Variants in UNC5D observed in about 807,000 individuals in gnomAD.
The protein encoded by UNC5D is netrin receptor UNC5D.
A neutral mutation model predicts 105.4 loss-of-function variants in UNC5D; 39 were observed. That is an observed-to-expected ratio of 0.37 (90% CI 0.29 to 0.48). The LOEUF is 0.48. Ranked by LOEUF, UNC5D falls within the 20% of genes least tolerant of loss-of-function variation. UNC5D has a pLI of 0.98. For synonymous variants in UNC5D, 452 were observed against 450.4 expected (o/e 1.00, Z -0.04); for missense variants, 991 against 1,202.4 (o/e 0.82, Z 2.60).
At chr8:35,267,210 G>C (rs888123635) in intron 1 of UNC5D, among the ~76,000 whole-genome samples, 2 of 151,118 alleles carry the variant, frequency 1.3e-5, no homozygotes, top group Non-Finnish European at 2.9e-5. Flanking sequence ...GGCGGAAAAA[G>C]AATTTTTCCA....
chr8:35,564,030 T>C (rs1401121653), intron 2 of UNC5D, among the ~76,000 whole-genome samples: 1 of 152,182 alleles, frequency 6.6e-6, no homozygotes, highest in Admixed American at 6.5e-5. Context: ...TCATTGAGGA[T>C]CTGTGTTCAT....
chr8:35,507,169 C>T (rs1036109648), intron 1 of UNC5D, among the ~76,000 whole-genome samples: 1 of 148,704 alleles, frequency 6.7e-6, no homozygotes, highest in Non-Finnish European at 1.5e-5. Context: ...CATTCTCCTG[C>T]CTCAGCCTCC....
chr8:35,759,225 A>T, intron 13 of UNC5D, 95 bp from the exon 14 acceptor site: 1 of 1,363,686 alleles, frequency 7.3e-7, no homozygotes, highest in Middle Eastern at 1.9e-4. Context: ...TTTGTGGAAG[A>T]CACATGGTAG....
chr8:35,607,428 A>C (rs1212148166), intron 4 of UNC5D, among the ~76,000 whole-genome samples: 1 of 152,174 alleles, frequency 6.6e-6, no homozygotes, highest in Admixed American at 6.5e-5. Flanking sequence ...TCTGAAAGAG[A>C]AACTGTTCCA....
In UNC5D at chr8:35,339,007, A is replaced by G. The variant is rs75696662; in HGVS notation, c.103+103120A>G. ...TAGGAGATACCTGAATCTACCTTCT[A>G]TAACATACTTTTATGCCTAAAATGG... On this transcript the variant is annotated intron_variant, in intron 1 of 16. Transcript: ENST00000404895. 3.9e-5 allele frequency among the ~76,000 whole-genome samples: 6 copies of G among 152,324 alleles called. No homozygotes were observed. In the East Asian group the frequency reaches 7.7e-4, roughly 20 times the overall value.
chr8:35,635,883 C>T (rs1047102225), intron 4 of UNC5D, among the ~76,000 whole-genome samples: 1 of 152,178 alleles, frequency 6.6e-6, no homozygotes, highest in Admixed American at 6.5e-5. Context: ...TTTCCTCTCT[C>T]AGACTCACTG....
At chr8:35,601,964 T>A (rs1191012262) in intron 4 of UNC5D, among the ~76,000 whole-genome samples, 1 of 152,230 alleles carries the variant, frequency 6.6e-6, no homozygotes, top group Non-Finnish European at 1.5e-5. Context: ...TATTTTGAGA[T>A]ACGTCCCATC....
intron 1 of UNC5D, among the ~76,000 whole-genome samples, chr8:35,543,832 G>C (rs918942332): frequency 6.6e-6 from 1 of 152,094 alleles, no homozygotes; most frequent in Non-Finnish European, 1.5e-5. Flanking sequence ...TGATCTTTAA[G>C]GTAAATGTCA....
chr8:35,609,595 C>T lies in UNC5D; in HGVS notation c.570+13938C>T, dbSNP rs182034396. ...GTCAGGTCACCGAGTATGTATCATT[C>T]TGCCTATTAATTTCATAGTGATATG... On this transcript the variant is annotated intron_variant, in intron 4 of 16. Transcript: ENST00000404895. Among the ~76,000 whole-genome samples, 114 of 152,324 alleles carry T rather than the reference C, an allele frequency of 7.5e-4. 2 individuals carry two copies. Among genetic ancestry groups the T allele is most frequent in the African/African-American group, 2.4e-3 (100 of 41,570 alleles).
At chr8:35,499,255 T>C (rs982826412) in intron 1 of UNC5D, among the ~76,000 whole-genome samples, 2 of 152,332 alleles carry the variant, frequency 1.3e-5, no homozygotes, top group African/African-American at 4.8e-5. Context: ...TTAGCAAACA[T>C]TTTAGACCTA....
intron 4 of UNC5D, among the ~76,000 whole-genome samples, chr8:35,680,902 G>T (rs927438936): frequency 6.6e-6 from 1 of 152,174 alleles, no homozygotes. Flanking sequence ...CTTGCTAGAT[G>T]CTACAAATAG....
chr8:35,290,143 C>T (rs1806931443), intron 1 of UNC5D, among the ~76,000 whole-genome samples: 1 of 151,958 alleles, frequency 6.6e-6, no homozygotes, highest in African/African-American at 2.4e-5. Context: ...TTGTATGACT[C>T]AGTAATTCCA....
At chr8:35,742,944 G>C (rs1480605989) in intron 11 of UNC5D, among the ~76,000 whole-genome samples, 1 of 152,110 alleles carries the variant, frequency 6.6e-6, no homozygotes, top group Admixed American at 6.5e-5. Context: ...TTAATCAGTG[G>C]CCCCACTGAT....
At position 35,700,025 on chromosome 8, in the gene UNC5D, A is replaced by G. The variant is rs549061469; in HGVS notation, c.1085-5904A>G. Among the ~76,000 whole-genome samples, 6 of 152,320 alleles carry G rather than the reference A, an allele frequency of 3.9e-5. No individual in the cohort carries two copies. In the East Asian group the frequency reaches 1.2e-3, roughly 29 times the overall value. On this transcript the variant is annotated intron_variant, in intron 7 of 16. Coordinates refer to ENST00000404895, the MANE Select transcript of UNC5D (RefSeq NM_080872.4). ...ACACTCGGAGGAGAACAGAATCCCC[A>G]CTTGCCATTGTCTCCCTGACATATT...
intron 1 of UNC5D, among the ~76,000 whole-genome samples, chr8:35,493,557 A>G (rs1313699467): frequency 2.0e-5 from 3 of 152,156 alleles, no homozygotes; most frequent in Non-Finnish European, 4.4e-5. Context: ...TAATTTAAAG[A>G]TGGCTTTAGG....
At chr8:35,282,244 C>G (rs1806239718) in intron 1 of UNC5D, among the ~76,000 whole-genome samples, 1 of 152,206 alleles carries the variant, frequency 6.6e-6, no homozygotes, top group Non-Finnish European at 1.5e-5. Context: ...ATGCTGTCAG[C>G]TTGATGGCTG....
At chr8:35,330,685 A>G (rs549448428) in intron 1 of UNC5D, among the ~76,000 whole-genome samples, 39 of 152,322 alleles carry the variant, frequency 2.6e-4, no homozygotes, top group South Asian at 2.1e-3. Context: ...AAATATACAT[A>G]AGATGATATG....
chr8:35,324,055 C>G (rs1809956377), intron 1 of UNC5D, among the ~76,000 whole-genome samples: 2 of 151,690 alleles, frequency 1.3e-5, no homozygotes, highest in South Asian at 4.2e-4. Flanking sequence ...CATAGCGAGA[C>G]CCCATCTATA....
intron 2 of UNC5D, among the ~76,000 whole-genome samples, chr8:35,565,108 A>G (rs1411056465): frequency 6.6e-6 from 1 of 152,224 alleles, no homozygotes; most frequent in Admixed American, 6.5e-5. Flanking sequence ...GTAGATACCC[A>G]GTAGTGGGAT....
Sources: allele counts gnomAD v4.1 joint callset (sites outside exome capture counted in the v4.1 genomes callset), GRCh38; gene constraint gnomAD v4.1.1; transcripts MANE v1.5; gene names NCBI Gene and HGNC (gene_info 2026-07-23, HGNC 2026-07-21).